NETO2: variants seen among roughly 807,000 people sequenced by gnomAD.
The protein encoded by NETO2 is neuropilin and tolloid-like protein 2.
A neutral mutation model predicts 62.5 loss-of-function variants in NETO2; 28 were observed. That is an observed-to-expected ratio of 0.45 (90% CI 0.33 to 0.61). The LOEUF (loss-of-function observed/expected upper bound fraction) is 0.61. NETO2 is among the 20% of genes least tolerant of loss of function. The probability of loss-of-function intolerance (pLI) is 0.02; values close to 1 mark genes in which losing one functional copy is unlikely to be tolerated. For synonymous variants in NETO2, 214 were observed against 219.1 expected, an observed-to-expected ratio of 0.98 and a Z score of 0.21; for missense variants, 548 against 643.2, an observed-to-expected ratio of 0.85 and a Z score of 1.60.
chr16:47,143,844 C>T lies in NETO2; in HGVS notation c.-232G>A, dbSNP rs933995857. ...ACGGGCGCCGCCTCCTGCTCCGCGG[C>T]GCCCCGTCCCATCGACCGCCCGAGG... On this transcript the variant is annotated 5_prime_UTR_variant, in exon 1 of 9. Coordinates refer to ENST00000562435, the MANE Select transcript of NETO2 (RefSeq NM_018092.5). The T allele has an allele frequency of 2.8e-5, 11 of 396,800 alleles. 1 individual carries two copies. The highest frequency in any genetic ancestry group is 2.3e-4 in the African/African-American group (11 of 46,904). 24.6% of individuals were successfully genotyped at this position (396,800 alleles called of 1,614,324 possible). A position where few individuals can be genotyped will look rare whatever the true frequency, so the allele number is the denominator to read the frequency against.
At chr16:47,085,323 A>G (rs948843395) in intron 8 of NETO2, among the ~76,000 whole-genome samples, 1 of 152,232 alleles carries the variant, frequency 6.6e-6, no homozygotes, top group Non-Finnish European at 1.5e-5. Flanking sequence ...TGTTTACAAT[A>G]CAAATGACAA....
At chr16:47,092,686 T>C (rs965383163) in intron 7 of NETO2, among the ~76,000 whole-genome samples, 1 of 152,184 alleles carries the variant, frequency 6.6e-6, no homozygotes, top group Non-Finnish European at 1.5e-5. Context: ...AGCCTCTGCA[T>C]AGTTTTTTAA....
intron 4 of NETO2, among the ~76,000 whole-genome samples, chr16:47,123,681 A>G (rs187526858): frequency 1.3e-4 from 20 of 152,266 alleles, no homozygotes; most frequent in Admixed American, 4.6e-4. Flanking sequence ...AATGTCTCAG[A>G]TTTCTGGAAA....
Position 47,083,450 on chromosome 16 carries a change from CTT to C in NETO2, c.1347_1348del (p.Ser450GlnfsTer14). 6.2e-7 allele frequency: 1 copy of C among 1,614,184 alleles called. No homozygotes were observed. The highest frequency in any genetic ancestry group is 8.5e-7 in the Non-Finnish European group (1 of 1,180,028). ...TTCCATGGAACTGAGGTTGGTCCTG[CTT>C]TGTTTGACGCTGGAGGCCTGCGACC... On this transcript the variant is annotated frameshift_variant, in exon 9 of 9. Transcript: ENST00000562435. LOFTEE classifies it high-confidence loss of function.
At chr16:47,128,075 A>T (rs932525904) in intron 4 of NETO2, among the ~76,000 whole-genome samples, 27 of 152,214 alleles carry the variant, frequency 1.8e-4, no homozygotes, top group African/African-American at 5.8e-4. Context: ...ATGTGCTATA[A>T]GACAGAAAAA....
intron 7 of NETO2, among the ~76,000 whole-genome samples, chr16:47,088,127 T>C (rs1167972255): frequency 1.3e-5 from 2 of 152,082 alleles, no homozygotes; most frequent in Non-Finnish European, 2.9e-5. Flanking sequence ...TTTTTGGAGA[T>C]GGAGTCTCGC....
chr16:47,132,802 G>A (rs924340670), intron 1 of NETO2, among the ~76,000 whole-genome samples: 1 of 152,198 alleles, frequency 6.6e-6, no homozygotes, highest in African/African-American at 2.4e-5. Flanking sequence ...CGGGCACCAA[G>A]GATGCACAGG....
At chr16:47,086,793 C>T (rs886137193) in intron 7 of NETO2, among the ~76,000 whole-genome samples, 2 of 152,128 alleles carry the variant, frequency 1.3e-5, no homozygotes, top group Admixed American at 1.3e-4. Flanking sequence ...TTTTAGCTAC[C>T]TACTCCAAAG....
At position 47,112,155 on chromosome 16, in the gene NETO2, T is replaced by G. The variant is rs865829857; in HGVS notation, c.655-2444A>C. Among the ~76,000 whole-genome samples, 50 of 152,256 alleles carry G rather than the reference T, an allele frequency of 3.3e-4. No individual in the cohort carries two copies. In the Middle Eastern group the frequency reaches 0.02, roughly 62 times the overall value. Reference sequence around the variant, plus strand: ...CTGGTCTTGAACTGCCAGGCTCAAGTGATCCTTCCGCCTCAGCCTCCCAAA... The same window carrying G: ...CTGGTCTTGAACTGCCAGGCTCAAGGGATCCTTCCGCCTCAGCCTCCCAAA... On this transcript the variant is annotated intron_variant, in intron 6 of 8. Coordinates refer to ENST00000562435, the MANE Select transcript of NETO2 (RefSeq NM_018092.5).
At chr16:47,106,901 C>T (rs796583475) in intron 7 of NETO2, among the ~76,000 whole-genome samples, 15 of 152,050 alleles carry the variant, frequency 9.9e-5, no homozygotes, top group African/African-American at 3.6e-4. Context: ...CATGCCTCAC[C>T]CTGCCCAGTA....
chr16:47,119,740 T>C (rs1421236363), intron 6 of NETO2, among the ~76,000 whole-genome samples: 1 of 152,208 alleles, frequency 6.6e-6, no homozygotes, highest in Non-Finnish European at 1.5e-5. Context: ...CAAATTTCCA[T>C]ACTGATTTCT....
In NETO2 at chr16:47,129,182, A is replaced by G. The variant is rs777172566; in HGVS notation, c.232+42T>C. On this transcript the variant is annotated intron_variant, in intron 3 of 8. Coordinates refer to ENST00000562435, the MANE Select transcript of NETO2 (RefSeq NM_018092.5). ...TTTTACCAACATATTTAGTTTTACA[A>G]TAAAGTAAAAATTCATCCAATAAAA... is the stretch of plus-strand genomic sequence containing the variant. The G allele has an allele frequency of 1.5e-5, 23 of 1,585,996 alleles. 1 individual carries two copies. The South Asian group carries it at 2.4e-4, about 17-fold the overall frequency.
chr16:47,137,555 C>G (rs527392934), intron 1 of NETO2, among the ~76,000 whole-genome samples: 2 of 152,188 alleles, frequency 1.3e-5, no homozygotes, highest in Admixed American at 6.5e-5. Context: ...GAAGGCTCTA[C>G]TATCTATTCT....
intron 4 of NETO2, among the ~76,000 whole-genome samples, chr16:47,123,323 C>T (rs1041361015): frequency 4.6e-5 from 7 of 152,076 alleles, no homozygotes; most frequent in Non-Finnish European, 8.8e-5. Flanking sequence ...ATGTACTTAA[C>T]GCCACTGAAT....
intron 7 of NETO2, among the ~76,000 whole-genome samples, chr16:47,093,626 C>T (rs1030282542): frequency 6.6e-6 from 1 of 152,234 alleles, no homozygotes; most frequent in African/African-American, 2.4e-5. Context: ...GGCTGGTTGA[C>T]CAAATTGGCT....
chr16:47,108,323 T>C (rs566894108), intron 7 of NETO2, among the ~76,000 whole-genome samples: 1 of 152,232 alleles, frequency 6.6e-6, no homozygotes, highest in African/African-American at 2.4e-5. Flanking sequence ...TAGAAGATAT[T>C]GGCATAGTCT....
In NETO2 at chr16:47,079,676, A is replaced by G. The variant is rs1445638803; in HGVS notation, c.*3545T>C. On this transcript the variant is annotated 3_prime_UTR_variant, in exon 9 of 9. Coordinates refer to ENST00000562435, the MANE Select transcript of NETO2 (RefSeq NM_018092.5). ...TCTGTGGGCTTCAGTCTTCTCATTC[A>G]TACACTTGGGCTAGATAGGTCTTTC... is the stretch of plus-strand genomic sequence containing the variant. 1 of 152,260 alleles carries G rather than the reference A, an allele frequency of 6.6e-6. No individual in the cohort carries two copies. Among genetic ancestry groups the G allele is most frequent in the Non-Finnish European group, 1.5e-5 (1 of 68,064 alleles). The allele number at this position is 152,260 out of a possible 1,614,324, so 9.4% of individuals were successfully genotyped here.
At chr16:47,114,335 A>T (rs1963862408) in intron 6 of NETO2, among the ~76,000 whole-genome samples, 1 of 127,708 alleles carries the variant, frequency 7.8e-6, no homozygotes, top group Non-Finnish European at 1.6e-5. Flanking sequence ...AAATCTTTTC[A>T]TAGGTGATTT....
chr16:47,116,750 T>C (rs1963930615), intron 6 of NETO2, among the ~76,000 whole-genome samples: 1 of 152,186 alleles, frequency 6.6e-6, no homozygotes, highest in African/African-American at 2.4e-5. Context: ...GGCCTAGAGT[T>C]TTCTTTGTTA....
Sources: allele counts gnomAD v4.1 joint callset (sites outside exome capture counted in the v4.1 genomes callset), GRCh38; gene constraint gnomAD v4.1.1; transcripts MANE v1.5; gene names NCBI Gene and HGNC (gene_info 2026-07-23, HGNC 2026-07-21).